PRKACB: variants seen among roughly 807,000 people sequenced by gnomAD.
The protein encoded by PRKACB is cAMP-dependent protein kinase catalytic subunit beta.
Under a neutral mutation model 51.4 loss-of-function variants are expected in PRKACB, and 16 were observed. That is an observed-to-expected ratio of 0.31 (90% CI 0.21 to 0.47). The LOEUF (loss-of-function observed/expected upper bound fraction) is 0.47. Ranked by LOEUF, PRKACB falls within the 20% of genes least tolerant of loss-of-function variation. The pLI, the probability that PRKACB is intolerant of heterozygous loss-of-function variation, is 1.00. For synonymous variants in PRKACB, 147 were observed against 154.4 expected, an observed-to-expected ratio of 0.95 and a Z score of 0.35; for missense variants, 309 against 464.5, an observed-to-expected ratio of 0.67 and a Z score of 3.08.
At chr1:84,086,282 AACT>A (rs1647980726) in intron 1 of PRKACB, 1 of 1,254,670 alleles carries the variant, frequency 8.0e-7, no homozygotes, top group Admixed American at 1.7e-5. Flanking sequence ...ACCCCAGTAG[AACT>A]TGGCCCTTCC....
intron 1 of PRKACB, among the ~76,000 whole-genome samples, chr1:84,160,364 C>A (rs1010861525): frequency 6.6e-6 from 1 of 151,230 alleles, no homozygotes; most frequent in African/African-American, 2.4e-5. Flanking sequence ...CCTTTATAAT[C>A]CTTTTAATTT....
intron 1 of PRKACB, among the ~76,000 whole-genome samples, chr1:84,175,346 T>G (rs1572059475): frequency 2.0e-5 from 3 of 151,674 alleles, no homozygotes; most frequent in African/African-American, 7.2e-5. Flanking sequence ...GAAAGATAAA[T>G]AAGTAGAAGA....
intron 1 of PRKACB, among the ~76,000 whole-genome samples, chr1:84,157,078 G>T (rs957168432): frequency 6.6e-6 from 1 of 152,146 alleles, no homozygotes; most frequent in African/African-American, 2.4e-5. Context: ...ATCTATGAAA[G>T]AGATTTTTGT....
intron 1 of PRKACB, among the ~76,000 whole-genome samples, chr1:84,101,024 A>G (rs1046067586): frequency 4.6e-5 from 7 of 152,222 alleles, no homozygotes; most frequent in East Asian, 1.9e-4. Context: ...AATCTTTTCA[A>G]TGATAAGAAA....
rs763212239 is a variant in PRKACB, at chr1:84,144,535, A to G, written c.174A>G (p.Leu58=). The change falls in exon 1 of 10, where the codon TTA becomes TTG. Residue 58 remains leucine (L), a synonymous_variant. Coordinates refer to ENST00000370685, the MANE Select transcript of PRKACB (RefSeq NM_182948.4). The part of the protein sequence containing the change: ...DSLHFSEHTA[L]WDRSMKEFLA... ...TTCATTTCTCTGAACATACTGCCTT[A>G]TGGGACAGATCAAGTAAGTTTTGTT... is the stretch of plus-strand genomic sequence containing the variant. 1 of 1,592,146 alleles carries G rather than the reference A, an allele frequency of 6.3e-7. No individual in the cohort carries two copies. Among genetic ancestry groups the G allele is most frequent in the Non-Finnish European group, 8.5e-7 (1 of 1,172,906 alleles).
intron 2 of PRKACB, chr1:84,181,568 G>A (rs1401043334): frequency 2.6e-6 from 2 of 760,182 alleles, no homozygotes; most frequent in Non-Finnish European, 3.7e-6. Flanking sequence ...TTGGTTCTTT[G>A]TAGAATGAGG....
intron 1 of PRKACB, among the ~76,000 whole-genome samples, chr1:84,128,007 C>CTTTTTT (rs10537848): frequency 3.8e-5 from 4 of 105,394 alleles, no homozygotes; most frequent in Non-Finnish European, 7.8e-5. Flanking sequence ...CTTTTTTTTT[C>CTTTTTT]TTTTTTTTTT....
At chr1:84,105,018 G>T (rs911762832) in intron 1 of PRKACB, among the ~76,000 whole-genome samples, 8 of 152,098 alleles carry the variant, frequency 5.3e-5, no homozygotes, top group African/African-American at 1.9e-4. Context: ...ACTCTCCTTG[G>T]AGTGTTCTCT....
At chr1:84,087,999 G>A (rs777471324) in intron 1 of PRKACB, among the ~76,000 whole-genome samples, 21 of 152,164 alleles carry the variant, frequency 1.4e-4, no homozygotes, top group Non-Finnish European at 1.8e-4. Flanking sequence ...TGAGAATGTT[G>A]TAGGAAGTGG....
intron 3 of PRKACB, among the ~76,000 whole-genome samples, chr1:84,182,897 A>G (rs931267272): frequency 1.3e-5 from 2 of 152,070 alleles, no homozygotes; most frequent in Admixed American, 6.6e-5. Flanking sequence ...AGAAGTTAAA[A>G]TGTGTACAGT....
chr1:84,107,229 A>G (rs537762065), intron 1 of PRKACB, among the ~76,000 whole-genome samples: 11 of 152,296 alleles, frequency 7.2e-5, no homozygotes, highest in Non-Finnish European at 1.6e-4. Flanking sequence ...TAAACAAGCA[A>G]TGGAGAAAGG....
rs185185829 is a variant in PRKACB, at chr1:84,208,006, T to C, written c.906+5201T>C. ...CCTCAGCCTCCTGAGTAGCTGGGACTACAGGCATGTGCCACCACGCCCGGC... is the reference window on the plus strand; with the variant it reads ...CCTCAGCCTCCTGAGTAGCTGGGACCACAGGCATGTGCCACCACGCCCGGC... On this transcript the variant is annotated intron_variant, in intron 8 of 9. Transcript: ENST00000370685. Among the ~76,000 whole-genome samples the C allele has an allele frequency of 2.9e-3, 438 of 152,322 alleles. 2 individuals are homozygous for C. Among genetic ancestry groups the C allele is most frequent in the African/African-American group, 0.01 (422 of 41,570 alleles).
At chr1:84,080,540 T>C (rs1379390928) in intron 1 of PRKACB, among the ~76,000 whole-genome samples, 1 of 152,194 alleles carries the variant, frequency 6.6e-6, no homozygotes, top group Non-Finnish European at 1.5e-5. Context: ...GGGAAAATTA[T>C]TTGAAATGTC....
chr1:84,164,761 T>C lies in PRKACB; in HGVS notation c.188-14416T>C, dbSNP rs901598377. ...TAACTAGCTTGAAAGAAATTCAGTCTAGTTATAGACATCTTTGGCATTAAT... is the reference window on the plus strand; with the variant it reads ...TAACTAGCTTGAAAGAAATTCAGTCCAGTTATAGACATCTTTGGCATTAAT... On this transcript the variant is annotated intron_variant, in intron 1 of 9. Transcript: ENST00000370685. 3.6e-6 allele frequency: 5 copies of C among 1,377,316 alleles called. No individual in the cohort carries two copies. In the Admixed American group the frequency reaches 1.6e-4, roughly 43 times the overall value. The allele number at this position is 1,377,316 out of a possible 1,614,324, so 85.3% of individuals were successfully genotyped here.
intron 8 of PRKACB, among the ~76,000 whole-genome samples, chr1:84,204,108 A>G (rs1272583740): frequency 1.3e-5 from 2 of 151,972 alleles, no homozygotes; most frequent in African/African-American, 4.8e-5. Context: ...AGTCTATCCA[A>G]TCACCTAGAA....
rs545860111 is a variant in PRKACB, at chr1:84,206,353, A to C, written c.906+3548A>C. Among the ~76,000 whole-genome samples, 88 of 152,288 alleles carry C rather than the reference A, an allele frequency of 5.8e-4. 1 individual carries two copies. In the South Asian group the frequency reaches 0.018, roughly 31 times the overall value. On this transcript the variant is annotated intron_variant, in intron 8 of 9. Transcript: ENST00000370685. ...GTAATTGATTATCAGCCCAATTGCT[A>C]TTCCTTTCTGTCTCAGGAGTCCCCA...
intron 1 of PRKACB, among the ~76,000 whole-genome samples, chr1:84,080,236 T>G (rs887265924): frequency 2.0e-5 from 3 of 152,162 alleles, no homozygotes; most frequent in Non-Finnish European, 2.9e-5. Flanking sequence ...TGTATATTTT[T>G]TATTAAGTTA....
chr1:84,096,651 C>T (rs1648945029), intron 1 of PRKACB, among the ~76,000 whole-genome samples: 1 of 152,072 alleles, frequency 6.6e-6, no homozygotes, highest in African/African-American at 2.4e-5. Flanking sequence ...ACAACTCTTA[C>T]CCCATTTCTA....
At chr1:84,136,307 C>A (rs1652802049) in intron 1 of PRKACB, among the ~76,000 whole-genome samples, 1 of 151,510 alleles carries the variant, frequency 6.6e-6, no homozygotes, top group Non-Finnish European at 1.5e-5. Context: ...GTGAAATATA[C>A]AAAATAAAAA....
Sources: gnomAD v4.1 joint callset for allele counts (sites outside exome capture counted in the v4.1 genomes callset) on GRCh38, gnomAD v4.1.1 for gene constraint, MANE v1.5 for transcripts, NCBI Gene and HGNC (gene_info 2026-07-23, HGNC 2026-07-21) for gene names.